The following LAMA1 variants were observed in gnomAD, a reference collection of about 807,000 sequenced individuals.
LAMA1 encodes the protein laminin subunit alpha 1, also known as laminin subunit alpha-1.
LAMA1 carries 219 observed loss-of-function variants against 348.7 expected under a neutral mutation model. The ratio of observed to expected loss-of-function variants is 0.63; its 90% confidence interval spans 0.56 to 0.70. The LOEUF is 0.70. Among genes scored for constraint, LAMA1 ranks in the 30% least tolerant of loss-of-function variants. The pLI, the probability that LAMA1 is intolerant of heterozygous loss-of-function variation, is 0.00. For synonymous variants in LAMA1, 1,487 were observed against 1,491.0 expected (o/e 1.00, Z 0.06); for missense variants, 3,744 against 3,888.0 (o/e 0.96, Z 0.99).
chr18:7,041,348 G>A (rs1447916890), intron 9 of LAMA1, among the ~76,000 whole-genome samples: 2 of 151,186 alleles, frequency 1.3e-5, no homozygotes, highest in Non-Finnish European at 2.9e-5. Flanking sequence ...CTCAATTGAG[G>A]GTAAATGTCA....
intron 9 of LAMA1, among the ~76,000 whole-genome samples, chr18:7,041,898 A>G (rs529548449): frequency 1.3e-5 from 2 of 152,182 alleles, no homozygotes; most frequent in Non-Finnish European, 2.9e-5. Flanking sequence ...TCGACCTGGC[A>G]TTATATTACC....
At chr18:6,995,516 C>G (rs1261027711) in intron 33 of LAMA1, 70 bp from the exon 34 acceptor site, 8 of 830,524 alleles carry the variant, frequency 9.6e-6, no homozygotes, top group East Asian at 4.9e-5. Context: ...CTAAGAAGCA[C>G]TTGCATTTCT....
intron 61 of LAMA1, among the ~76,000 whole-genome samples, chr18:6,945,793 T>C (rs1333306240): frequency 6.6e-6 from 1 of 152,014 alleles, no homozygotes; most frequent in Non-Finnish European, 1.5e-5. Context: ...GCAGCCCCCA[T>C]GCAGGGGCAA....
Position 7,040,127 on chromosome 18 carries a change from G to T in LAMA1, c.1371C>A (p.Asn457Lys), listed in dbSNP as rs1252932563. The T allele has an allele frequency of 1.2e-6, 2 of 1,614,112 alleles. No homozygotes were observed. The highest frequency in any genetic ancestry group is 2.2e-5 in the South Asian group (2 of 91,074). Residue 457 changes from asparagine (N) to lysine (K), a missense_variant, in exon 10 of 63, where the codon AAC becomes AAA. Physicochemically the swap from Asn to Lys is moderately conservative, Grantham distance 94 (BLOSUM62 0). This residue lies in a region of LAMA1 where 1,529 missense variants were observed against 1,689.4 expected (regional missense o/e 0.91). Transcript: ENST00000389658. ...DYPTCVSCGCNPVGSASDEPC... is the reference protein window; with the variant it reads ...DYPTCVSCGCKPVGSASDEPC... ...GCTCATCACTGGCACTGCCCACTGGGTTGCACCCACAGGAGACACAGGTCG... is the reference window on the plus strand; with the variant it reads ...GCTCATCACTGGCACTGCCCACTGGTTTGCACCCACAGGAGACACAGGTCG...
rs1568034648 is a variant in LAMA1 at position 7,021,831 on chromosome 18, ATAAT to A, written c.2701+1329_2701+1332del. On this transcript the variant is annotated intron_variant, in intron 19 of 62. Transcript: ENST00000389658. ...TATTATATAATATATATTATATAAT[ATAAT>A]AATATATTATATTATATTATATATA... Among the ~76,000 whole-genome samples the A allele has an allele frequency of 2.6e-3, 157 of 60,490 alleles. 4 individuals are homozygous for A. The highest frequency in any genetic ancestry group is 0.021 in the African/African-American group (149 of 7,020). 39.7% of individuals were successfully genotyped at this position (60,490 alleles called of 152,430 possible). A position where few individuals can be genotyped will look rare whatever the true frequency, so the allele number is the denominator to read the frequency against.
At chr18:7,099,377 C>T (rs1472753953) in intron 1 of LAMA1, among the ~76,000 whole-genome samples, 2 of 151,750 alleles carry the variant, frequency 1.3e-5, no homozygotes, top group Non-Finnish European at 2.9e-5. Context: ...GACCTTTGTT[C>T]ACTTGTTTAT....
chr18:7,117,141 G>A (rs1389039097), intron 1 of LAMA1, among the ~76,000 whole-genome samples: 1 of 152,208 alleles, frequency 6.6e-6, no homozygotes, highest in Non-Finnish European at 1.5e-5. Context: ...CCGCTTGGCT[G>A]CCAGGGGCCC....
At position 7,080,424 on chromosome 18, in the gene LAMA1, T is replaced by A; in HGVS notation, c.95A>T (p.Asn32Ile). Reference protein sequence around the residue: ...LFPAILNLASNAHISTNATCG... With the variant: ...LFPAILNLASIAHISTNATCG... ...GGTGGCATTGGTGCTGATGTGAGCATTGCTGGCAAGATTGAGAATGGCAGG... is the reference window on the plus strand; with the variant it reads ...GGTGGCATTGGTGCTGATGTGAGCAATGCTGGCAAGATTGAGAATGGCAGG... Residue 32 changes from asparagine to isoleucine, a missense_variant, in exon 2 of 63, where the codon AAT (asparagine) becomes ATT (isoleucine). Coordinates refer to ENST00000389658, the MANE Select transcript of LAMA1 (RefSeq NM_005559.4). 1.2e-6 allele frequency: 2 copies of A among 1,614,242 alleles called. No homozygotes were observed. The highest frequency in any genetic ancestry group is 1.7e-6 in the Non-Finnish European group (2 of 1,180,052).
intron 55 of LAMA1, chr18:6,957,342 C>CATGAATGAATGAATGA (rs10635570): frequency 2.7e-4 from 41 of 153,986 alleles, no homozygotes; most frequent in African/African-American, 8.8e-4. Flanking sequence ...GAGGATGCCT[C>CATGAATGAATGAATGA]ATGAATGAAT....
In LAMA1 at chr18:6,942,004, A is replaced by T. The variant is rs1395769003; in HGVS notation, c.*75T>A. 6.5e-7 allele frequency: 1 copy of T among 1,541,842 alleles called. No homozygotes were observed. Among genetic ancestry groups the T allele is most frequent in the Admixed American group, 1.7e-5 (1 of 59,908 alleles). On this transcript the variant is annotated 3_prime_UTR_variant, in exon 63 of 63. Transcript: ENST00000389658. The stretch of plus-strand genomic sequence containing the variant: ...GAGTTGGAAATGAAATATGAACTGA[A>T]GAGATTCTTAATTCACACATACACT...
At chr18:7,048,764 T>C (rs2058051564) in intron 5 of LAMA1, among the ~76,000 whole-genome samples, 1 of 152,108 alleles carries the variant, frequency 6.6e-6, no homozygotes, top group African/African-American at 2.4e-5. Context: ...TGAAAGAAAA[T>C]TCTCAGTTGC....
chr18:6,949,755 C>T (rs1480329457), intron 58 of LAMA1, among the ~76,000 whole-genome samples: 2 of 152,172 alleles, frequency 1.3e-5, no homozygotes, highest in East Asian at 3.8e-4. Flanking sequence ...AACAGTCCCT[C>T]CCCAAAACTA....
At chr18:7,025,208 T>A (rs2057936961) in intron 17 of LAMA1, among the ~76,000 whole-genome samples, 1 of 152,206 alleles carries the variant, frequency 6.6e-6, no homozygotes, top group Non-Finnish European at 1.5e-5. Context: ...TACATCTCCT[T>A]CCACCTCCCT....
At chr18:7,098,708 G>A (rs2058275598) in intron 1 of LAMA1, among the ~76,000 whole-genome samples, 1 of 147,004 alleles carries the variant, frequency 6.8e-6, no homozygotes, top group Non-Finnish European at 1.5e-5. Flanking sequence ...ACCCCATCCG[G>A]GAGGGAGGTG....
Position 7,008,554 on chromosome 18 carries a change from T to C in LAMA1, c.4056A>G (p.Glu1352=). The change falls in exon 28 of 63, where the codon GAA becomes GAG. Residue 1352 remains glutamate, a synonymous_variant. Coordinates refer to ENST00000389658, the MANE Select transcript of LAMA1 (RefSeq NM_005559.4). ...VGRKAEKLHP[E]EEVASLLENC... ...TCTCTAAAAGAGATGCAACCTCTTC[T>C]TCTGGGTGCAGCTTTTCAGCCTTTC... 1 of 1,614,096 alleles carries C rather than the reference T, an allele frequency of 6.2e-7. No individual in the cohort carries two copies. The highest frequency in any genetic ancestry group is 8.5e-7 in the Non-Finnish European group (1 of 1,179,960).
chr18:7,024,208 A>G (rs2057932108), intron 18 of LAMA1, among the ~76,000 whole-genome samples, 172 bp downstream of exon 18: 1 of 152,148 alleles, frequency 6.6e-6, no homozygotes, highest in African/African-American at 2.4e-5. Flanking sequence ...AATTCCCAGT[A>G]AGGTTTAACA....
Position 6,987,810 on chromosome 18 carries a change from C to T in LAMA1, c.5169-1463G>A, listed in dbSNP as rs567322376. ...TAATTTTTAATGATATAATTTTTAA[C>T]GATAATAAAGACGTTGCATTATGAG... is the stretch of plus-strand genomic sequence containing the variant. On this transcript the variant is annotated intron_variant, in intron 36 of 62. Transcript: ENST00000389658. Among the ~76,000 whole-genome samples the T allele has an allele frequency of 5.3e-5, 8 of 152,116 alleles. No individual in the cohort carries two copies. The South Asian group carries it at 8.3e-4, about 16-fold the overall frequency.
chr18:7,107,445 T>C (rs2058316906), intron 1 of LAMA1, among the ~76,000 whole-genome samples: 1 of 152,078 alleles, frequency 6.6e-6, no homozygotes, highest in South Asian at 2.1e-4. Context: ...ATATGCACTT[T>C]TCAGTTCCTT....
chr18:7,067,963 C>T (rs1347517561), intron 3 of LAMA1, among the ~76,000 whole-genome samples: 2 of 152,068 alleles, frequency 1.3e-5, no homozygotes, highest in African/African-American at 4.8e-5. Flanking sequence ...AAGCGATTCT[C>T]CTGGCTCAGC....
Sources: allele counts gnomAD v4.1 joint callset (sites outside exome capture counted in the v4.1 genomes callset), GRCh38; gene constraint gnomAD v4.1.1; regional missense constraint gnomAD v4.1.1; transcripts MANE v1.5; gene names NCBI Gene and HGNC (gene_info 2026-07-23, HGNC 2026-07-21).